Variants in ACP3 observed in about 807,000 individuals in gnomAD.
ACP3 encodes prostatic acid phosphatase.
Under a neutral mutation model 45.6 loss-of-function variants are expected in ACP3, and 38 were observed. The observed-to-expected ratio is 0.83, with a 90% CI of 0.64 to 1.09. The LOEUF (loss-of-function observed/expected upper bound fraction) is 1.09, where lower values mean the gene tolerates loss of function less well. Among genes scored for constraint, ACP3 ranks in the 50% least tolerant of loss-of-function variants. The pLI is 0.00. For missense variants in ACP3, 466 were observed against 463.2 expected (o/e 1.01, Z -0.05); for synonymous variants, 162 against 164.7 (o/e 0.98, Z 0.13).
In ACP3 at chr3:132,342,578, T is replaced by G. The variant is rs748438402; in HGVS notation, c.582T>G (p.Leu194=). 1 of 1,613,160 alleles carries G rather than the reference T, an allele frequency of 6.2e-7. No homozygotes were observed. Among genetic ancestry groups the G allele is most frequent in the East Asian group, 2.2e-5 (1 of 44,838 alleles). The change falls in exon 6 of 10, where the codon CTT becomes CTG. Residue 194 remains leucine, a synonymous_variant. Coordinates refer to ENST00000336375, the MANE Select transcript of ACP3 (RefSeq NM_001099.5). ...ATTTTATAGCTACCTTGGGAAAACTTTCAGGATTACATGGCCAGGACCTTT... is the reference window on the plus strand; with the variant it reads ...ATTTTATAGCTACCTTGGGAAAACTGTCAGGATTACATGGCCAGGACCTTT... ...YKDFIATLGK[L]SGLHGQDLFG...
In ACP3 at chr3:132,367,605, T is replaced by C. The variant is rs1254381197; in HGVS notation, c.1139-99T>C. ...TTCAAGGCCTCTTTAGCAACTCCTC[T>C]GAAATTTGCAATTAAGGCAGAAAGC... is the stretch of plus-strand genomic sequence containing the variant. On this transcript the variant is annotated intron_variant, in intron 10 of 10. Transcript: ENST00000351273. The C allele has an allele frequency of 5.4e-6, 5 of 929,116 alleles. No individual in the cohort carries two copies. In the Admixed American group the frequency reaches 9.0e-5, roughly 17 times the overall value. 57.6% of individuals were successfully genotyped at this position (929,116 alleles called of 1,614,324 possible). A position where few individuals can be genotyped will look rare whatever the true frequency, so the allele number is the denominator to read the frequency against.
intron 7 of ACP3, among the ~76,000 whole-genome samples, chr3:132,347,130 G>A (rs1324025658): frequency 6.6e-6 from 1 of 152,188 alleles, no homozygotes; most frequent in Non-Finnish European, 1.5e-5. Context: ...CTGTCTATAA[G>A]AGTCCTTCTC....
intron 1 of ACP3, among the ~76,000 whole-genome samples, chr3:132,323,328 A>G (rs946857855): frequency 9.9e-5 from 15 of 152,148 alleles, no homozygotes; most frequent in Admixed American, 9.2e-4. Context: ...CCTTTTTTGC[A>G]TATTACTATG....
chr3:132,347,871 A>ACACACC (rs766142673), intron 7 of ACP3, among the ~76,000 whole-genome samples: 7 of 151,210 alleles, frequency 4.6e-5, no homozygotes, highest in Admixed American at 6.6e-5. Flanking sequence ...ACACACACAC[A>ACACACC]CCAAAAAAAT....
At chr3:132,356,081 G>A (rs1458103600) in intron 9 of ACP3, among the ~76,000 whole-genome samples, 1 of 152,164 alleles carries the variant, frequency 6.6e-6, no homozygotes, top group East Asian at 1.9e-4. Context: ...ATAAAGCATT[G>A]AGAGAGCTCT....
At chr3:132,322,393 C>T (rs1012794904) in intron 1 of ACP3, among the ~76,000 whole-genome samples, 1 of 152,186 alleles carries the variant, frequency 6.6e-6, no homozygotes, top group Non-Finnish European at 1.5e-5. Flanking sequence ...TCAATTATTT[C>T]TGCCCAAACT....
chr3:132,324,937 G>A (rs757419192), intron 1 of ACP3, among the ~76,000 whole-genome samples: 1 of 152,100 alleles, frequency 6.6e-6, no homozygotes, highest in Non-Finnish European at 1.5e-5. Flanking sequence ...CACTGTGCCT[G>A]GCCAGGAATT....
intron 5 of ACP3, among the ~76,000 whole-genome samples, chr3:132,338,402 A>C (rs192652182): frequency 1.3e-5 from 2 of 151,530 alleles, no homozygotes; most frequent in Non-Finnish European, 2.9e-5. Context: ...TATTTATGCC[A>C]TAATTTATTT....
intron 10 of ACP3, among the ~76,000 whole-genome samples, chr3:132,366,109 C>T (rs578099530): frequency 2.6e-5 from 4 of 151,946 alleles, no homozygotes; most frequent in East Asian, 1.9e-4. Flanking sequence ...AAGACCAGCC[C>T]GGGCAACATG....
rs1379839852 is a variant in ACP3, at chr3:132,358,297, C to A, written c.*1419C>A. 2.7e-6 allele frequency: 3 copies of A among 1,115,794 alleles called. No homozygotes were observed. Among genetic ancestry groups the A allele is most frequent in the East Asian group, 1.3e-4 (2 of 14,880 alleles). The allele number at this position is 1,115,794 out of a possible 1,614,324, so 69.1% of individuals were successfully genotyped here. A position where few individuals can be genotyped will look rare whatever the true frequency, so the allele number is the denominator to read the frequency against. On this transcript the variant is annotated 3_prime_UTR_variant, in exon 10 of 10. Coordinates refer to ENST00000336375, the MANE Select transcript of ACP3 (RefSeq NM_001099.5). ...TAGAAATGTAATTATGTTCTAAGTGCCTCCAAGTTCAAAACTTATTGGAAT... is the reference window on the plus strand; with the variant it reads ...TAGAAATGTAATTATGTTCTAAGTGACTCCAAGTTCAAAACTTATTGGAAT...
At chr3:132,342,165 C>G (rs776991674) in intron 5 of ACP3, among the ~76,000 whole-genome samples, 1 of 152,148 alleles carries the variant, frequency 6.6e-6, no homozygotes, top group Non-Finnish European at 1.5e-5. Context: ...CCAGCACGAA[C>G]CAGGAACATG....
intron 4 of ACP3, among the ~76,000 whole-genome samples, chr3:132,334,058 C>T (rs559220024): frequency 5.3e-5 from 8 of 152,114 alleles, no homozygotes; most frequent in Non-Finnish European, 1.0e-4. Context: ...GCAACAAGAG[C>T]GAAATTCCGT....
chr3:132,329,851 T>C (rs1937367126), intron 2 of ACP3, among the ~76,000 whole-genome samples: 1 of 151,792 alleles, frequency 6.6e-6, no homozygotes, highest in South Asian at 2.1e-4. Context: ...ATGGCACTGG[T>C]ACATGGACCA....
At chr3:132,344,432 AG>A (rs1937585257) in intron 6 of ACP3, among the ~76,000 whole-genome samples, 1 of 151,788 alleles carries the variant, frequency 6.6e-6, no homozygotes, top group African/African-American at 2.4e-5. Flanking sequence ...TGACAGAGCA[AG>A]ACAATGTCTC....
intron 7 of ACP3, among the ~76,000 whole-genome samples, chr3:132,345,281 C>T (rs1937596902): frequency 6.6e-6 from 1 of 152,144 alleles, no homozygotes; most frequent in South Asian, 2.1e-4. Context: ...CAAACAGTAC[C>T]TGGTACATAA....
chr3:132,320,914 G>A (rs1301007309), intron 1 of ACP3, among the ~76,000 whole-genome samples: 1 of 151,996 alleles, frequency 6.6e-6, no homozygotes, highest in Non-Finnish European at 1.5e-5. Context: ...GCCTCCCAAA[G>A]GGCTGAGATT....
chr3:132,364,189 CAA>C (rs554764177), intron 10 of ACP3, among the ~76,000 whole-genome samples: 6 of 151,692 alleles, frequency 4.0e-5, no homozygotes, highest in Non-Finnish European at 8.8e-5. Flanking sequence ...ACAAAAAATA[CAA>C]AAAAATTAGC....
chr3:132,357,462 A>G lies in ACP3; in HGVS notation c.*584A>G, dbSNP rs1423388076. The G allele has an allele frequency of 3.0e-6, 3 of 985,252 alleles. No individual in the cohort carries two copies. The highest frequency in any genetic ancestry group is 1.7e-5 in the African/African-American group (1 of 57,244). 61.0% of individuals were successfully genotyped at this position (985,252 alleles called of 1,614,324 possible). ...TGGAAAACTGCTACTATCTGTTTTT[A>G]TATTTCTGTTAAAATATATGAGGCT... On this transcript the variant is annotated 3_prime_UTR_variant, in exon 10 of 10. Coordinates refer to ENST00000336375, the MANE Select transcript of ACP3 (RefSeq NM_001099.5).
At chr3:132,367,653 A>G (rs1938151679) in intron 10 of ACP3, 7 of 1,392,696 alleles carry the variant, frequency 5.0e-6, no homozygotes, top group Admixed American at 1.7e-5. Flanking sequence ...TGATCTTCCT[A>G]TTTTCCTAAT....
Sources: gnomAD v4.1 joint callset for allele counts (sites outside exome capture counted in the v4.1 genomes callset) on GRCh38, gnomAD v4.1.1 for gene constraint, MANE v1.5 for transcripts, NCBI Gene and HGNC (gene_info 2026-07-23, HGNC 2026-07-21) for gene names.